The following PIEZO2 variants were observed in gnomAD, a reference collection of about 807,000 sequenced individuals.
PIEZO2 encodes piezo type mechanosensitive ion channel component 2.
In PIEZO2, 172 loss-of-function variants were observed where a neutral mutation model predicts 337.3. The observed-to-expected ratio is 0.51, with a 90% CI of 0.45 to 0.58. The LOEUF (loss-of-function observed/expected upper bound fraction) is 0.58. Among genes scored for constraint, PIEZO2 ranks in the 20% least tolerant of loss-of-function variants. The pLI is 0.00. For synonymous variants in PIEZO2, 1,251 were observed against 1,228.5 expected (o/e 1.02, Z -0.38); for missense variants, 3,028 against 3,391.3 (o/e 0.89, Z 2.66).
At chr18:10,719,145 T>G (rs559471973) in intron 36 of PIEZO2, among the ~76,000 whole-genome samples, 5 of 152,198 alleles carry the variant, frequency 3.3e-5, no homozygotes, top group African/African-American at 1.2e-4. Flanking sequence ...CAAATGAAAG[T>G]GCAAGATAAC....
intron 1 of PIEZO2, among the ~76,000 whole-genome samples, chr18:11,091,739 T>C (rs2039098920): frequency 6.6e-6 from 1 of 152,162 alleles, no homozygotes; most frequent in Admixed American, 6.5e-5. Flanking sequence ...TTGTTCATAG[T>C]GTTGTTGTTT....
chr18:10,813,698 G>A lies in PIEZO2; in HGVS notation c.918-6424C>T, dbSNP rs910150344. 6.6e-6 allele frequency among the ~76,000 whole-genome samples: 1 copy of A among 152,050 alleles called. No individual in the cohort carries two copies. Among genetic ancestry groups the A allele is most frequent in the African/African-American group, 2.4e-5 (1 of 41,380 alleles). On this transcript the variant is annotated intron_variant, in intron 7 of 55. Transcript: ENST00000674853. This position sits in a 1 kb window ranked among gnomAD's most constrained non-coding sequence, Gnocchi z 4.2. ...TGTTCATAACGCTGTTATGAACATG[G>A]GTGAACAAATATCTCTTCAAGACCC... is the stretch of plus-strand genomic sequence containing the variant.
At chr18:10,749,309 T>G (rs575841707) in intron 29 of PIEZO2, among the ~76,000 whole-genome samples, 4 of 152,006 alleles carry the variant, frequency 2.6e-5, no homozygotes, top group Admixed American at 2.6e-4. Context: ...TAGCCAGGCA[T>G]AGTGGTGCAG....
At chr18:10,972,888 A>G (rs917976064) in intron 3 of PIEZO2, among the ~76,000 whole-genome samples, 3 of 152,178 alleles carry the variant, frequency 2.0e-5, no homozygotes, top group African/African-American at 7.2e-5. Flanking sequence ...CACAGTCCCA[A>G]GGGCATGGCC....
chr18:10,974,894 C>G (rs993892104), intron 3 of PIEZO2, among the ~76,000 whole-genome samples: 2 of 152,192 alleles, frequency 1.3e-5, no homozygotes, highest in African/African-American at 2.4e-5. Flanking sequence ...TGGAGCCTGA[C>G]GAAGGAATCT....
intron 18 of PIEZO2, among the ~76,000 whole-genome samples, chr18:10,779,730 C>T (rs1034238403): frequency 6.6e-6 from 1 of 151,956 alleles, no homozygotes; most frequent in African/African-American, 2.4e-5. Flanking sequence ...TCAAATATCA[C>T]TTCATGGGTA....
chr18:10,776,516 G>A (rs956551216), intron 18 of PIEZO2, among the ~76,000 whole-genome samples: 4 of 152,188 alleles, frequency 2.6e-5, no homozygotes, highest in Non-Finnish European at 5.9e-5. Flanking sequence ...CTTAGACTAT[G>A]ATTCTGTCAT....
rs940645565 is a variant in PIEZO2 at position 11,002,031 on chromosome 18, T to C, written c.161-22371A>G. On this transcript the variant is annotated intron_variant, in intron 2 of 55. Coordinates refer to ENST00000674853, the MANE Select transcript of PIEZO2 (RefSeq NM_001378183.1). The surrounding 1 kb of genome is among the most constrained non-coding windows in gnomAD (Gnocchi z 4.3). ...CTACCTGTAAGGGCCAGAGAGTAGA[T>C]ATTTTAGGCTTTGTGAGACACATAG... is the stretch of plus-strand genomic sequence containing the variant. Among the ~76,000 whole-genome samples the C allele has an allele frequency of 3.9e-5, 6 of 152,326 alleles. No homozygotes were observed. The highest frequency in any genetic ancestry group is 1.4e-4 in the African/African-American group (6 of 41,572).
chr18:10,994,657 C>T (rs1243721472), intron 2 of PIEZO2, among the ~76,000 whole-genome samples: 1 of 151,708 alleles, frequency 6.6e-6, no homozygotes, highest in African/African-American at 2.4e-5. Flanking sequence ...ATCTACCCGC[C>T]TCAGCCTCCC....
intron 39 of PIEZO2, among the ~76,000 whole-genome samples, chr18:10,710,288 G>A (rs1258717264): frequency 6.6e-6 from 1 of 152,108 alleles, no homozygotes; most frequent in Non-Finnish European, 1.5e-5. Flanking sequence ...CACAATCCAG[G>A]ACAGTTTAAA....
chr18:10,801,290 T>C, intron 10 of PIEZO2, 100 bp downstream of exon 10: 1 of 1,097,130 alleles, frequency 9.1e-7, no homozygotes, highest in Non-Finnish European at 1.3e-6. Flanking sequence ...CTTATGGAAA[T>C]TTTAATAGAT....
Position 10,677,672 on chromosome 18 carries a change from G to T in PIEZO2, c.8081+75C>A, listed in dbSNP as rs2034070140. 2.0e-6 allele frequency: 3 copies of T among 1,490,306 alleles called. No individual in the cohort carries two copies. The highest frequency in any genetic ancestry group is 1.4e-5 in the African/African-American group (1 of 70,250). 92.3% of individuals were successfully genotyped at this position (1,490,306 alleles called of 1,614,324 possible). ...ATGAAGTTGCATTCCTCATACACAT[G>T]AATCTGTAGATGGACATTTTGTACC... is the stretch of plus-strand genomic sequence containing the variant. On this transcript the variant is annotated intron_variant, in intron 53 of 55. Transcript: ENST00000674853. The surrounding 1 kb of genome is among the most constrained non-coding windows in gnomAD (Gnocchi z 4.1).
rs548913427 is a variant in PIEZO2, at chr18:11,048,323, C to CGGTT, written c.160+17800_160+17803dup. The stretch of plus-strand genomic sequence containing the variant: ...CACAAGATTGAAAAGACCTGTCTTA[C>CGGTT]GGTTACTCATGGCTCTGGGGCCAAG... On this transcript the variant is annotated intron_variant, in intron 2 of 55. Coordinates refer to ENST00000674853, the MANE Select transcript of PIEZO2 (RefSeq NM_001378183.1). The surrounding 1 kb of genome is among the most constrained non-coding windows in gnomAD (Gnocchi z 4.5). 4.7e-3 allele frequency among the ~76,000 whole-genome samples: 714 copies of CGGTT among 152,298 alleles called. 7 individuals carry two copies. The highest frequency in any genetic ancestry group is 0.014 in the African/African-American group (591 of 41,560).
At position 11,101,258 on chromosome 18, in the gene PIEZO2, A is replaced by C. The variant is rs935136875; in HGVS notation, c.65-35036T>G. On this transcript the variant is annotated intron_variant, in intron 1 of 55. Coordinates refer to ENST00000674853, the MANE Select transcript of PIEZO2 (RefSeq NM_001378183.1). This position sits in a 1 kb window ranked among gnomAD's most constrained non-coding sequence, Gnocchi z 4.4. ...TCAAGAACACTCCTTCCGACTTCCA[A>C]ACTTCCTCTGGAGTTCTGGGACTCA... Among the ~76,000 whole-genome samples, 2 of 152,194 alleles carry C rather than the reference A, an allele frequency of 1.3e-5. No individual in the cohort carries two copies. The highest frequency in any genetic ancestry group is 2.9e-5 in the Non-Finnish European group (2 of 68,026).
rs2146316702 is a variant in PIEZO2 at position 11,148,924 on chromosome 18, G to T, written c.-336C>A. 6.6e-6 allele frequency among the ~76,000 whole-genome samples: 1 copy of T among 152,258 alleles called. No homozygotes were observed. The highest frequency in any genetic ancestry group is 1.9e-4 in the East Asian group (1 of 5,160). ...CAGGGGTAGCTGATGCCGGGGCCTT[G>T]GAGAGGGACGCTTTGGGAGGGTCCT... is the stretch of plus-strand genomic sequence containing the variant. On this transcript the variant is annotated 5_prime_UTR_variant, in exon 1 of 56. Transcript: ENST00000674853. This position sits in a 1 kb window ranked among gnomAD's most constrained non-coding sequence, Gnocchi z 5.2.
chr18:11,093,665 C>T (rs553484573), intron 1 of PIEZO2, among the ~76,000 whole-genome samples: 25 of 142,768 alleles, frequency 1.8e-4, no homozygotes, highest in Admixed American at 2.9e-4. Context: ...CGGCTCACTG[C>T]AAGCTCCGCC....
At chr18:10,768,200 G>A (rs935662861) in intron 21 of PIEZO2, among the ~76,000 whole-genome samples, 3 of 152,298 alleles carry the variant, frequency 2.0e-5, no homozygotes, top group Middle Eastern at 3.4e-3. Flanking sequence ...TTCTCTGTGG[G>A]TGCACAATTT....
chr18:10,857,118 T>C lies in PIEZO2; in HGVS notation c.586A>G (p.Thr196Ala). Residue 196 changes from threonine to alanine, a missense_variant, in exon 6 of 56, where the codon ACG becomes GCG. Transcript: ENST00000674853. ...DGVEGELEES[T>A]KLKMFRRLAS... is the part of the protein sequence containing the mutation. ...AGCCTGCGGAACATTTTTAACTTCG[T>C]GCTTTCTTCCAACTCGCCTTCAACA... The C allele has an allele frequency of 2.0e-6, 3 of 1,537,822 alleles. No homozygotes were observed. The highest frequency in any genetic ancestry group is 2.6e-6 in the Non-Finnish European group (3 of 1,147,034).
intron 10 of PIEZO2, 64 bp from the exon 11 acceptor site, chr18:10,800,539 C>A (rs1310854279): frequency 1.0e-5 from 15 of 1,449,466 alleles, no homozygotes; most frequent in Non-Finnish European, 1.2e-5. Flanking sequence ...TGCAGACATA[C>A]CCCCACTTCC....
Sources: allele counts gnomAD v4.1 joint callset (sites outside exome capture counted in the v4.1 genomes callset), GRCh38; gene constraint gnomAD v4.1.1; non-coding constraint Gnocchi (gnomAD v3.1); transcripts MANE v1.5; gene names NCBI Gene and HGNC (gene_info 2026-07-23, HGNC 2026-07-21).